Variants in ANGPTL4 observed in about 807,000 individuals in gnomAD.
ANGPTL4 encodes angiopoietin-related protein 4.
ANGPTL4 carries 39 observed loss-of-function variants against 39.2 expected under a neutral mutation model. The ratio of observed to expected loss-of-function variants is 1.00; its 90% CI spans 0.77 to 1.30. The LOEUF (loss-of-function observed/expected upper bound fraction) is 1.30, where lower values mean the gene tolerates loss of function less well. Among genes scored for constraint, ANGPTL4 ranks in the 50% most tolerant of loss-of-function variants. The pLI is 0.00. For synonymous variants in ANGPTL4, 233 were observed against 229.5 expected (o/e 1.02, Z -0.14); for missense variants, 545 against 549.8 (o/e 0.99, Z 0.09).
In ANGPTL4 at chr19:8,374,217, C is replaced by T. The variant is rs1020874480; in HGVS notation, c.*331C>T. ...GACTGGCCTCAATGGCGGACTCAGT[C>T]ACATTGACTGACGGGGACCAGGGCT... On this transcript the variant is annotated 3_prime_UTR_variant, in exon 7 of 7. Transcript: ENST00000301455. 8.3e-6 allele frequency: 3 copies of T among 361,912 alleles called. No individual in the cohort carries two copies. Among genetic ancestry groups the T allele is most frequent in the African/African-American group, 2.1e-5 (1 of 47,926 alleles). The allele number at this position is 361,912 out of a possible 1,614,324, so 22.4% of individuals were successfully genotyped here. A position where few individuals can be genotyped will look rare whatever the true frequency, so the allele number is the denominator to read the frequency against.
chr19:8,368,260 C>T (rs992748678), intron 3 of ANGPTL4, among the ~76,000 whole-genome samples: 2 of 151,910 alleles, frequency 1.3e-5, no homozygotes, highest in Admixed American at 6.6e-5. Context: ...CCGATCCGCC[C>T]GCCTCCCAAA....
Position 8,366,005 on chromosome 19 carries a change from G to A in ANGPTL4, c.370G>A (p.Ala124Thr). Residue 124 changes from alanine (A) to threonine (T), a missense_variant, in exon 2 of 7, where the codon GCC becomes ACC. Coordinates refer to ENST00000301455, the MANE Select transcript of ANGPTL4 (RefSeq NM_139314.3). The part of the protein sequence containing the change: ...SRIQQLFHKV[A>T]QQQRHLEKQH... ...GATCCAGCAACTCTTCCACAAGGTGGCCCAGCAGCAGCGGCACCTGGAGAA... is the reference window on the plus strand; with the variant it reads ...GATCCAGCAACTCTTCCACAAGGTGACCCAGCAGCAGCGGCACCTGGAGAA... 1 of 1,614,078 alleles carries A rather than the reference G, an allele frequency of 6.2e-7. No individual in the cohort carries two copies. Among genetic ancestry groups the A allele is most frequent in the South Asian group, 1.1e-5 (1 of 91,076 alleles).
At position 8,373,791 on chromosome 19, in the gene ANGPTL4, A is replaced by G. The variant is rs778161135; in HGVS notation, c.1126A>G (p.Lys376Glu). Reference sequence around the variant, plus strand: ...CCCACAGCAGCGGCAGAAGCTTAAGAAGGGAATCTTCTGGAAGACCTGGCG... The same window carrying G: ...CCCACAGCAGCGGCAGAAGCTTAAGGAGGGAATCTTCTGGAAGACCTGGCG... ...SIPQQRQKLK[K>E]GIFWKTWRGR... is the part of the protein sequence containing the mutation. Residue 376 changes from lysine (K) to glutamate (E), a missense_variant, in exon 7 of 7, where the codon AAG (lysine) becomes GAG (glutamate). By Grantham distance (56) the Lys-to-Glu change is moderately conservative. Transcript: ENST00000301455. 1.9e-5 allele frequency: 30 copies of G among 1,613,968 alleles called. No individual in the cohort carries two copies. The highest frequency in any genetic ancestry group is 2.5e-5 in the Non-Finnish European group (29 of 1,180,040).
At chr19:8,370,446 C>T (rs1187175153) in intron 4 of ANGPTL4, among the ~76,000 whole-genome samples, 1 of 151,932 alleles carries the variant, frequency 6.6e-6, no homozygotes, top group African/African-American at 2.4e-5. Flanking sequence ...AGCACGGTGG[C>T]TTACACCTGA....
In ANGPTL4 at chr19:8,373,735, C is replaced by G; in HGVS notation, c.1070C>G (p.Ser357Cys). 1 of 1,613,942 alleles carries G rather than the reference C, an allele frequency of 6.2e-7. No homozygotes were observed. Among genetic ancestry groups the G allele is most frequent in the Admixed American group, 1.7e-5 (1 of 60,014 alleles). ...TGGTGGTTTGGCACCTGCAGCCATT[C>G]CAACCTCAACGGCCAGTACTTCCGC... is the stretch of plus-strand genomic sequence containing the variant. The part of the protein sequence containing the change: ...GGWWFGTCSH[S>C]NLNGQYFRSI... Residue 357 changes from serine (S) to cysteine (C), a missense_variant, in exon 7 of 7, where the codon TCC becomes TGC. Coordinates refer to ENST00000301455, the MANE Select transcript of ANGPTL4 (RefSeq NM_139314.3).
At chr19:8,369,039 G>GCC (rs1268767918) in intron 3 of ANGPTL4, among the ~76,000 whole-genome samples, 180 bp from the exon 4 acceptor site, 6 of 152,300 alleles carry the variant, frequency 3.9e-5, no homozygotes, top group South Asian at 4.1e-4. Context: ...GGACCATGCT[G>GCC]AGGAAGGACA....
chr19:8,367,886 A>C (rs1971038579), intron 3 of ANGPTL4, among the ~76,000 whole-genome samples: 1 of 152,210 alleles, frequency 6.6e-6, no homozygotes, highest in Non-Finnish European at 1.5e-5. Context: ...GCTGGAGTGC[A>C]GTGGCGCAAT....
intron 3 of ANGPTL4, among the ~76,000 whole-genome samples, chr19:8,366,976 A>G (rs1275025360): frequency 4.0e-5 from 6 of 148,988 alleles, no homozygotes; most frequent in Admixed American, 6.8e-5. Flanking sequence ...CTCGAACCAC[A>G]GCATGTCCAC....
In ANGPTL4 at chr19:8,366,365, G is replaced by A. The variant is rs774981801; in HGVS notation, c.547+46G>A. The A allele has an allele frequency of 1.1e-5, 17 of 1,581,510 alleles. No homozygotes were observed. In the African/African-American group the frequency reaches 1.2e-4, roughly 11 times the overall value. On this transcript the variant is annotated intron_variant, in intron 3 of 6. Transcript: ENST00000301455. Reference sequence around the variant, plus strand: ...GCTCTCCGGTGGCCACCCCTACCCCGCCACTTGCCATTGCTGGTCCTCTCC... The same window carrying A: ...GCTCTCCGGTGGCCACCCCTACCCCACCACTTGCCATTGCTGGTCCTCTCC...
At chr19:8,365,795 G>A (rs1295338367) in intron 1 of ANGPTL4, among the ~76,000 whole-genome samples, 159 bp from the exon 2 acceptor site, 2 of 152,280 alleles carry the variant, frequency 1.3e-5, no homozygotes, top group East Asian at 3.9e-4. Context: ...TCCAGCCTGG[G>A]CGAGAGAACG....
chr19:8,364,689 T>A lies in ANGPTL4; in HGVS notation c.318+50T>A, dbSNP rs745718138. The A allele has an allele frequency of 4.5e-6, 7 of 1,550,810 alleles. No homozygotes were observed. The South Asian group carries it at 8.3e-5, about 18-fold the overall frequency. ...CCGCGCCCCTAGTGGCTCTCCTGGC[T>A]TGGAAGGGTATGGACAGGAGTGGGG... is the stretch of plus-strand genomic sequence containing the variant. On this transcript the variant is annotated intron_variant, in intron 1 of 6. Coordinates refer to ENST00000301455, the MANE Select transcript of ANGPTL4 (RefSeq NM_139314.3).
intron 4 of ANGPTL4, among the ~76,000 whole-genome samples, chr19:8,370,567 G>A (rs1280748007): frequency 1.3e-5 from 2 of 151,882 alleles, no homozygotes; most frequent in African/African-American, 4.8e-5. Flanking sequence ...AACATTAGCC[G>A]GGCGTGCCTG....
At chr19:8,364,757 G>T in intron 1 of ANGPTL4, 118 bp downstream of exon 1, 1 of 1,274,422 alleles carries the variant, frequency 7.8e-7, no homozygotes, top group South Asian at 1.3e-5. Flanking sequence ...GGGCTTCCCT[G>T]CGTCAAGGGA....
In ANGPTL4 at chr19:8,366,210, C is replaced by T. The variant is rs771453273; in HGVS notation, c.438C>T (p.Leu146=). ...CTCCCGTCCCATCCTAGTTTGGCCT[C>T]CTGGACCACAAGCACCTAGACCATG... ...RIQHLQSQFG[L]LDHKHLDHEV... is the part of the protein sequence containing the mutation. The change falls in exon 3 of 7, where the codon CTC becomes CTT. Residue 146 remains leucine, a synonymous_variant. Coordinates refer to ENST00000301455, the MANE Select transcript of ANGPTL4 (RefSeq NM_139314.3). 1 of 1,614,140 alleles carries T rather than the reference C, an allele frequency of 6.2e-7. No individual in the cohort carries two copies. Among genetic ancestry groups the T allele is most frequent in the Non-Finnish European group, 8.5e-7 (1 of 1,180,046 alleles).
intron 3 of ANGPTL4, among the ~76,000 whole-genome samples, chr19:8,367,919 C>T (rs1027776110): frequency 6.6e-5 from 10 of 152,348 alleles, no homozygotes; most frequent in East Asian, 1.9e-4. Context: ...CAACCTCTGC[C>T]TCCCACTGGG....
intron 3 of ANGPTL4, among the ~76,000 whole-genome samples, chr19:8,368,415 A>G (rs1427012274): frequency 6.6e-6 from 1 of 152,186 alleles, no homozygotes; most frequent in Non-Finnish European, 1.5e-5. Flanking sequence ...TGGAGCCTCC[A>G]TTGAGTCAGA....
In ANGPTL4 at chr19:8,364,462, A is replaced by C. The variant is rs747597003; in HGVS notation, c.141A>C (p.Gly47=). The change falls in exon 1 of 7, where the codon GGA becomes GGC. Residue 47 remains glycine, a synonymous_variant. Transcript: ENST00000301455. ...ACGAGATGAATGTCCTGGCGCACGG[A>C]CTCCTGCAGCTCGGCCAGGGGCTGC... is the stretch of plus-strand genomic sequence containing the variant. ...SWDEMNVLAH[G]LLQLGQGLRE... is the part of the protein sequence containing the mutation. 6.4e-7 allele frequency: 1 copy of C among 1,561,468 alleles called. No homozygotes were observed. Among genetic ancestry groups the C allele is most frequent in the South Asian group, 1.2e-5 (1 of 85,026 alleles).
Position 8,371,332 on chromosome 19 carries a change from C to T in ANGPTL4, c.849C>T (p.Asn283=), listed in dbSNP as rs139295817. The T allele has an allele frequency of 1.4e-3, 2,289 of 1,613,836 alleles. 3 individuals carry two copies. Among genetic ancestry groups the T allele is most frequent in the Non-Finnish European group, 1.7e-3 (2,014 of 1,180,032 alleles). The change falls in exon 6 of 7, where the codon AAC becomes AAT. Residue 283 remains asparagine (N), a synonymous_variant. Coordinates refer to ENST00000301455, the MANE Select transcript of ANGPTL4 (RefSeq NM_139314.3). The surrounding 1 kb of genome is among the most constrained non-coding windows in gnomAD (Gnocchi z 5.1). ...TGCAGCTGCGGGACTGGGATGGCAA[C>T]GCCGAGTTGCTGCAGTTCTCCGTGC... The part of the protein sequence containing the change: ...LAVQLRDWDG[N]AELLQFSVHL...
In ANGPTL4 at chr19:8,371,481, A is replaced by C. The variant is rs1175908911; in HGVS notation, c.998A>C (p.His333Pro). The C allele has an allele frequency of 6.2e-7, 1 of 1,613,186 alleles. No individual in the cohort carries two copies. Among genetic ancestry groups the C allele is most frequent in the Non-Finnish European group, 8.5e-7 (1 of 1,180,024 alleles). Residue 333 changes from histidine to proline, a missense_variant, in exon 6 of 7, where the codon CAC becomes CCC. Transcript: ENST00000301455. This position sits in a 1 kb window ranked among gnomAD's most constrained non-coding sequence, Gnocchi z 5.1. ...CCCTTCTCCACTTGGGACCAGGATC[A>C]CGACCTCCGCAGGGACAAGAACTGC... ...SVPFSTWDQD[H>P]DLRRDKNCAK...
Sources: allele counts gnomAD v4.1 joint callset (sites outside exome capture counted in the v4.1 genomes callset), GRCh38; gene constraint gnomAD v4.1.1; non-coding constraint Gnocchi (gnomAD v3.1); transcripts MANE v1.5; gene names NCBI Gene and HGNC (gene_info 2026-07-23, HGNC 2026-07-21).